Variants in NBAS observed in about 807,000 individuals in gnomAD.
NBAS encodes the protein NAG/BC035112 fusion.
NBAS carries 219 observed loss-of-function variants against 302.5 expected under a neutral mutation model. That is an observed-to-expected ratio of 0.72 (90% confidence interval 0.65 to 0.81). The LOEUF (loss-of-function observed/expected upper bound fraction) is 0.81, where lower values mean the gene tolerates loss of function less well. Among genes scored for constraint, NBAS ranks in the 30% least tolerant of loss-of-function variants. NBAS has a pLI of 0.00. For missense variants in NBAS, 2,932 were observed against 2,841.6 expected (o/e 1.03, Z -0.72); for synonymous variants, 1,118 against 1,021.6 (o/e 1.09, Z -1.80).
chr2:15,159,292 G>A, the NBAS span, among the ~76,000 whole-genome samples: 1 of 152,162 alleles, frequency 6.6e-6, no homozygotes, highest in Non-Finnish European at 1.5e-5. Flanking sequence ...GCTGTCCAGA[G>A]CCCAGAATGT....
At chr2:15,323,913 A>AC (rs1671943436) in intron 38 of NBAS, among the ~76,000 whole-genome samples, 1 of 90,706 alleles carries the variant, frequency 1.1e-5, no homozygotes, top group South Asian at 2.8e-4. Flanking sequence ...GTTTCTGAAA[A>AC]AAAAAAAAAA....
At chr2:15,414,711 G>A (rs961330715) in intron 25 of NBAS, among the ~76,000 whole-genome samples, 6 of 152,282 alleles carry the variant, frequency 3.9e-5, no homozygotes, top group South Asian at 4.1e-4. Context: ...TTAGGAGGCC[G>A]AGGCAGGCGG....
chr2:15,005,178 C>A, the NBAS span, among the ~76,000 whole-genome samples: 5 of 152,058 alleles, frequency 3.3e-5, no homozygotes, highest in Admixed American at 3.3e-4. Context: ...TTGTTAAATG[C>A]GCGCATGGGT....
At chr2:15,317,402 G>C (rs1671563435) in intron 38 of NBAS, among the ~76,000 whole-genome samples, 1 of 152,204 alleles carries the variant, frequency 6.6e-6, no homozygotes, top group Non-Finnish European at 1.5e-5. Flanking sequence ...GAATGATTTT[G>C]ACAAGTTAAC....
intron 47 of NBAS, among the ~76,000 whole-genome samples, chr2:15,222,525 C>A (rs1206654790): frequency 6.6e-6 from 1 of 152,208 alleles, no homozygotes; most frequent in Admixed American, 6.5e-5. Context: ...ATAATAATTT[C>A]TGAAGGTTTA....
chr2:15,504,121 CATAG>C lies in NBAS; in HGVS notation c.954+20_954+23del, dbSNP rs747508430. 102 of 1,599,664 alleles carry C rather than the reference CATAG, an allele frequency of 6.4e-5. 1 individual carries two copies. In the South Asian group the frequency reaches 1.1e-3, roughly 17 times the overall value. On this transcript the variant is annotated intron_variant, in intron 11 of 51. Coordinates refer to ENST00000281513, the MANE Select transcript of NBAS (RefSeq NM_015909.4). ...GGGTAAAAATGTTTGAGAAGCCCAC[CATAG>C]TTAAGCCAATTTGTGTTACCTGTTC...
chr2:15,556,531 A>C (rs4133515), intron 3 of NBAS, among the ~76,000 whole-genome samples: 1 of 151,942 alleles, frequency 6.6e-6, no homozygotes, highest in African/African-American at 2.4e-5. Flanking sequence ...AAGCCTGAGA[A>C]TAGTCATCAG....
intron 41 of NBAS, 73 bp from the exon 42 acceptor site, chr2:15,287,256 T>C: frequency 9.0e-7 from 1 of 1,116,652 alleles, no homozygotes; most frequent in Non-Finnish European, 1.4e-6. Context: ...ACGAAAATGC[T>C]CATTAGGACT....
the NBAS span, among the ~76,000 whole-genome samples, chr2:15,140,668 A>G: frequency 6.6e-6 from 1 of 152,228 alleles, no homozygotes; most frequent in African/African-American, 2.4e-5. Context: ...CCAAAGGTGA[A>G]TTCAGCAGGA....
chr2:15,451,746 T>C (rs926680961), intron 21 of NBAS, among the ~76,000 whole-genome samples: 1 of 152,080 alleles, frequency 6.6e-6, no homozygotes, highest in Non-Finnish European at 1.5e-5. Flanking sequence ...AAATAAAGTA[T>C]CAAAAGACAC....
chr2:15,110,388 C>A, the NBAS span, among the ~76,000 whole-genome samples: 3 of 152,116 alleles, frequency 2.0e-5, no homozygotes, highest in Non-Finnish European at 2.9e-5. Context: ...TTTATTATTT[C>A]AAGTTTTATT....
chr2:15,189,146 G>A (rs1217186072), intron 49 of NBAS, among the ~76,000 whole-genome samples: 1 of 152,188 alleles, frequency 6.6e-6, no homozygotes, highest in Non-Finnish European at 1.5e-5. Context: ...AGCCTGCACT[G>A]TGGATTTCAA....
chr2:15,448,489 C>T (rs1383258428), intron 21 of NBAS, among the ~76,000 whole-genome samples: 1 of 152,108 alleles, frequency 6.6e-6, no homozygotes, highest in Non-Finnish European at 1.5e-5. Context: ...CTAGCATGTA[C>T]TCACACAAGA....
chr2:14,787,811 G>C, the NBAS span, among the ~76,000 whole-genome samples: 21 of 151,970 alleles, frequency 1.4e-4, no homozygotes, highest in East Asian at 9.7e-4. Context: ...TGGAGTTGCT[G>C]TTCTCAAGGA....
At chr2:15,089,108 T>A in the NBAS span, among the ~76,000 whole-genome samples, 1 of 152,182 alleles carries the variant, frequency 6.6e-6, no homozygotes, top group African/African-American at 2.4e-5. Flanking sequence ...GGTCTCCCAA[T>A]GACAAAATAC....
the NBAS span, among the ~76,000 whole-genome samples, chr2:15,131,421 C>T: frequency 3.9e-4 from 60 of 152,170 alleles, 1 homozygote; most frequent in Non-Finnish European, 4.4e-5. Context: ...CTGCTTCATC[C>T]TAGCTCTGTG....
chr2:15,181,761 G>T (rs563206554), intron 50 of NBAS, among the ~76,000 whole-genome samples: 125 of 152,348 alleles, frequency 8.2e-4, no homozygotes, highest in African/African-American at 2.9e-3. Context: ...ACAGTCATGA[G>T]AGAAGCAGGA....
At chr2:15,168,533 C>T (rs903540203) in intron 51 of NBAS, among the ~76,000 whole-genome samples, 1 of 152,210 alleles carries the variant, frequency 6.6e-6, no homozygotes, top group African/African-American at 2.4e-5. Flanking sequence ...ACTCTCTTGG[C>T]CAATACTTGG....
At chr2:15,427,868 C>T in intron 21 of NBAS, 74 bp from the exon 22 acceptor site, 4 of 1,065,806 alleles carry the variant, frequency 3.8e-6, no homozygotes, top group Non-Finnish European at 5.7e-6. Context: ...GAGTAAAATG[C>T]AAACAGCATC....
Sources: allele counts gnomAD v4.1 joint callset (sites outside exome capture counted in the v4.1 genomes callset), GRCh38; gene constraint gnomAD v4.1.1; transcripts MANE v1.5; gene names NCBI Gene and HGNC (gene_info 2026-07-23, HGNC 2026-07-21).